Variants in EIF4G3 observed in about 807,000 individuals in gnomAD.
EIF4G3 encodes eukaryotic translation initiation factor 4 gamma 3.
A neutral mutation model predicts 186.4 loss-of-function variants in EIF4G3; 34 were observed. That is an observed-to-expected ratio of 0.18 (90% CI 0.14 to 0.24). EIF4G3 has a LOEUF of 0.24. Ranked by LOEUF, EIF4G3 falls within the 10% of genes least tolerant of loss-of-function variation. The pLI is 1.00. For synonymous variants in EIF4G3, 673 were observed against 679.5 expected, an observed-to-expected ratio of 0.99 and a Z score of 0.15; for missense variants, 1,536 against 1,948.5, an observed-to-expected ratio of 0.79 and a Z score of 3.99.
chr1:21,015,380 C>T (rs541345288), intron 4 of EIF4G3, among the ~76,000 whole-genome samples: 1 of 151,882 alleles, frequency 6.6e-6, no homozygotes, highest in East Asian at 1.9e-4. Context: ...GAAAACTTCC[C>T]ACATTTGAAG....
chr1:20,807,845 C>T (rs2058374708), intron 36 of EIF4G3, among the ~76,000 whole-genome samples: 1 of 145,282 alleles, frequency 6.9e-6, no homozygotes, highest in Admixed American at 7.1e-5. Context: ...TCACTGCAAC[C>T]TCTACCTCCT....
At chr1:21,116,449 G>T (rs144136258) in intron 2 of EIF4G3, among the ~76,000 whole-genome samples, 74 of 152,104 alleles carry the variant, frequency 4.9e-4, no homozygotes, top group African/African-American at 1.7e-3. Context: ...TGTCTAGGAG[G>T]GAAATTTGAG....
At chr1:20,878,102 G>A (rs752916257) in intron 20 of EIF4G3, among the ~76,000 whole-genome samples, 7 of 152,204 alleles carry the variant, frequency 4.6e-5, no homozygotes, top group Non-Finnish European at 2.9e-5. Flanking sequence ...CCTGATCTCA[G>A]GTGATCTGCC....
At chr1:20,812,203 C>T (rs763393168) in intron 35 of EIF4G3, among the ~76,000 whole-genome samples, 61 of 152,206 alleles carry the variant, frequency 4.0e-4, no homozygotes, top group African/African-American at 1.4e-3. Flanking sequence ...CGATAGGATC[C>T]GCTTAAGCCC....
intron 7 of EIF4G3, among the ~76,000 whole-genome samples, chr1:20,984,458 G>A (rs1052290204): frequency 2.3e-4 from 35 of 151,552 alleles, no homozygotes; most frequent in Admixed American, 1.8e-3. Context: ...GAGCCACTGC[G>A]CTTGGCCAAT....
chr1:21,002,826 GAAC>G lies in EIF4G3; in HGVS notation c.-66-21_-66-19del. On this transcript the variant is annotated intron_variant, in intron 4 of 36. Coordinates refer to ENST00000602326, the MANE Select transcript of EIF4G3 (RefSeq NM_001391906.1). ...TAAGGGGTCTGTCAAAAAATGGCAAGAACAATATAATATTTTGAAAAAATATGG... is the reference window on the plus strand; with the variant it reads ...TAAGGGGTCTGTCAAAAAATGGCAAGAATATAATATTTTGAAAAAATATGG... The G allele has an allele frequency of 7.0e-7, 1 of 1,438,348 alleles. No individual in the cohort carries two copies. The highest frequency in any genetic ancestry group is 9.7e-7 in the Non-Finnish European group (1 of 1,033,000). 89.1% of individuals were successfully genotyped at this position (1,438,348 alleles called of 1,614,324 possible).
chr1:21,078,737 C>G (rs1282908470), intron 3 of EIF4G3, among the ~76,000 whole-genome samples: 4 of 152,204 alleles, frequency 2.6e-5, no homozygotes, highest in Non-Finnish European at 4.4e-5. Context: ...GTAATCCCAA[C>G]ACTTTGGGAG....
At chr1:21,079,460 G>C (rs1003173962) in intron 3 of EIF4G3, among the ~76,000 whole-genome samples, 3 of 146,664 alleles carry the variant, frequency 2.0e-5, no homozygotes, top group African/African-American at 7.6e-5. Flanking sequence ...TTGAGTTCAG[G>C]AGTTCAAGAC....
intron 35 of EIF4G3, among the ~76,000 whole-genome samples, chr1:20,812,738 A>AT (rs2059506132): frequency 1.3e-5 from 2 of 152,148 alleles, no homozygotes; most frequent in Admixed American, 6.5e-5. Context: ...AACTGTTGAT[A>AT]TTTTTTTCTT....
At position 21,027,287 on chromosome 1, in the gene EIF4G3, G is replaced by C. The variant is rs150302309; in HGVS notation, c.-67+23579C>G. On this transcript the variant is annotated intron_variant, in intron 4 of 36. Transcript: ENST00000602326. The stretch of plus-strand genomic sequence containing the variant: ...AGCTCCCTGCAACCTCCACCTCCCG[G>C]GTTCAAGTGATTCTCCTGCCTCAGC... Among the ~76,000 whole-genome samples, 231 of 149,948 alleles carry C rather than the reference G, an allele frequency of 1.5e-3. 3 individuals carry two copies. In the East Asian group the frequency reaches 0.043, roughly 28 times the overall value.
At chr1:20,872,563 A>G (rs191167322) in intron 20 of EIF4G3, among the ~76,000 whole-genome samples, 2 of 152,296 alleles carry the variant, frequency 1.3e-5, no homozygotes, top group East Asian at 3.9e-4. Context: ...AGCAAACTCC[A>G]TAAATACCAC....
intron 14 of EIF4G3, among the ~76,000 whole-genome samples, chr1:20,914,934 A>T (rs920719008): frequency 3.3e-5 from 5 of 152,222 alleles, no homozygotes; most frequent in African/African-American, 1.2e-4. Flanking sequence ...AAGTTGGCTG[A>T]CTATGCTATT....
At chr1:21,143,076 C>G (rs1420921908) in intron 2 of EIF4G3, among the ~76,000 whole-genome samples, 2 of 152,156 alleles carry the variant, frequency 1.3e-5, no homozygotes, top group African/African-American at 4.8e-5. Context: ...TGATGAAACC[C>G]TGTCTCTACT....
rs769565306 is a variant in EIF4G3, at chr1:20,849,500, T to C, written c.3803A>G (p.His1268Arg). ...CTCTTCTGATAATGCAGCCTTGTCA[T>C]GAGCTGACATTGCTGAAATTTCTGG... ...AKPEISAMSA[H>R]DKAALSEEEL... is the part of the protein sequence containing the mutation. The change falls in exon 29 of 37, where the codon CAT becomes CGT. Residue 1268 changes from histidine (H) to arginine (R), a missense_variant. His to Arg is a conservative substitution (Grantham distance 29). This residue lies in a region of EIF4G3 where 395 missense variants were observed against 498.9 expected (regional missense o/e 0.79). Transcript: ENST00000602326. The C allele has an allele frequency of 3.2e-5, 50 of 1,552,618 alleles. 1 individual carries two copies. The South Asian group carries it at 6.2e-4, about 19-fold the overall frequency.
intron 20 of EIF4G3, among the ~76,000 whole-genome samples, chr1:20,875,061 C>T (rs769662150): frequency 3.3e-5 from 5 of 152,158 alleles, no homozygotes; most frequent in African/African-American, 4.8e-5. Context: ...CCACTGCAGC[C>T]GTGACCTCCT....
rs1471689931 is a variant in EIF4G3 at position 20,879,379 on chromosome 1, T to C, written c.2566A>G (p.Ile856Val). ...GVIDLVFEKA[I>V]DEPSFSVAYA... ...GCCACAGAGAAACTGGGTTCATCAATAGCCTTCTCAAAGACCAGGTCAATA... is the reference window on the plus strand; with the variant it reads ...GCCACAGAGAAACTGGGTTCATCAACAGCCTTCTCAAAGACCAGGTCAATA... Residue 856 changes from isoleucine to valine, a missense_variant, in exon 20 of 37, where the codon ATT becomes GTT. Coordinates refer to ENST00000602326, the MANE Select transcript of EIF4G3 (RefSeq NM_001391906.1). 1.9e-6 allele frequency: 3 copies of C among 1,607,592 alleles called. No individual in the cohort carries two copies. Among genetic ancestry groups the C allele is most frequent in the South Asian group, 1.1e-5 (1 of 89,916 alleles).
intron 2 of EIF4G3, among the ~76,000 whole-genome samples, chr1:21,094,426 G>C (rs2096295094): frequency 6.6e-6 from 1 of 151,840 alleles, no homozygotes; most frequent in Non-Finnish European, 1.5e-5. Context: ...ATACACCATG[G>C]AATACTATGC....
At chr1:20,984,113 T>C (rs1181140667) in intron 7 of EIF4G3, among the ~76,000 whole-genome samples, 1 of 152,124 alleles carries the variant, frequency 6.6e-6, no homozygotes, top group Non-Finnish European at 1.5e-5. Flanking sequence ...TATTAACATA[T>C]AGCTGAACCA....
intron 4 of EIF4G3, among the ~76,000 whole-genome samples, chr1:21,011,262 CTTT>C (rs1179196635): frequency 1.3e-5 from 2 of 149,696 alleles, no homozygotes; most frequent in Non-Finnish European, 3.0e-5. Flanking sequence ...AATGTCACTT[CTTT>C]ATTTAACTTT....
Sources: gnomAD v4.1 joint callset for allele counts (sites outside exome capture counted in the v4.1 genomes callset) on GRCh38, gnomAD v4.1.1 for gene constraint, gnomAD v4.1.1 regional missense constraint, MANE v1.5 for transcripts, NCBI Gene and HGNC (gene_info 2026-07-23, HGNC 2026-07-21) for gene names.